The following ADAMTS18 variants were observed in gnomAD, a reference collection of about 807,000 sequenced individuals.
The protein encoded by ADAMTS18 is ADAM metallopeptidase with thrombospondin type 1 motif 18, also known as A disintegrin and metalloproteinase with thrombospondin motifs 18.
A neutral mutation model predicts 165.9 loss-of-function variants in ADAMTS18; 157 were observed. That is an observed-to-expected ratio of 0.95 (90% CI 0.83 to 1.08). ADAMTS18 has a LOEUF of 1.08. Among genes scored for constraint, ADAMTS18 ranks in the 50% least tolerant of loss-of-function variants. The pLI, the probability that ADAMTS18 is intolerant of heterozygous loss-of-function variation, is 0.00. For missense variants in ADAMTS18, 2,040 were observed against 1,534.0 expected, an observed-to-expected ratio of 1.33 and a Z score of -5.51; for synonymous variants, 782 against 578.2, an observed-to-expected ratio of 1.35 and a Z score of -5.06.
At chr16:77,416,147 A>G (rs896429027) in intron 3 of ADAMTS18, among the ~76,000 whole-genome samples, 14 of 152,164 alleles carry the variant, frequency 9.2e-5, no homozygotes, top group African/African-American at 3.4e-4. Context: ...CTGGAATGAC[A>G]GTATTTGCAT....
intron 3 of ADAMTS18, among the ~76,000 whole-genome samples, chr16:77,387,415 G>C (rs545480481): frequency 4.6e-5 from 7 of 152,114 alleles, no homozygotes; most frequent in Non-Finnish European, 1.0e-4. Flanking sequence ...ATATGTCTAG[G>C]CTTCCAGATT....
At chr16:77,359,458 G>C (rs747246515) in intron 7 of ADAMTS18, 35 bp from the exon 8 acceptor site, 10 of 1,559,304 alleles carry the variant, frequency 6.4e-6, no homozygotes, top group Non-Finnish European at 8.8e-6. Context: ...TGAATCCAAA[G>C]GTTGCACACA....
intron 4 of ADAMTS18, among the ~76,000 whole-genome samples, chr16:77,366,360 C>G (rs1190244700): frequency 1.3e-5 from 2 of 152,148 alleles, no homozygotes; most frequent in South Asian, 2.1e-4. Context: ...GAGTTTGAGA[C>G]CAGCCTGGCC....
chr16:77,296,208 G>C (rs964676668), intron 18 of ADAMTS18, among the ~76,000 whole-genome samples: 1 of 152,078 alleles, frequency 6.6e-6, no homozygotes, highest in Non-Finnish European at 1.5e-5. Flanking sequence ...ACATGAAAGA[G>C]ACTCCCTTTA....
intron 9 of ADAMTS18, among the ~76,000 whole-genome samples, chr16:77,355,265 A>G (rs2056612548): frequency 6.7e-6 from 1 of 149,780 alleles, no homozygotes; most frequent in African/African-American, 2.5e-5. Flanking sequence ...TTTAATATGA[A>G]TTAAATAGTA....
intron 16 of ADAMTS18, among the ~76,000 whole-genome samples, chr16:77,301,975 T>C (rs1357237165): frequency 6.6e-6 from 1 of 150,994 alleles, no homozygotes; most frequent in Non-Finnish European, 1.5e-5. Context: ...CTTAGGAGTC[T>C]TTTATTTTGA....
chr16:77,363,960 C>A (rs2144736018), intron 5 of ADAMTS18, 75 bp from the exon 6 acceptor site: 1 of 1,400,548 alleles, frequency 7.1e-7, no homozygotes, highest in Admixed American at 1.7e-5. Flanking sequence ...GACATATTGA[C>A]TGAAGTACGC....
chr16:77,332,798 A>C (rs1190158819), intron 12 of ADAMTS18, among the ~76,000 whole-genome samples: 3 of 152,202 alleles, frequency 2.0e-5, no homozygotes, highest in Non-Finnish European at 4.4e-5. Flanking sequence ...GGCCAATTGC[A>C]ATCCACAGCT....
intron 14 of ADAMTS18, among the ~76,000 whole-genome samples, chr16:77,321,760 G>C (rs1315753088): frequency 6.6e-6 from 1 of 152,186 alleles, no homozygotes; most frequent in Admixed American, 6.5e-5. Context: ...CCTGTGCAAA[G>C]CAGGATATAG....
At chr16:77,420,722 T>C (rs554936601) in intron 3 of ADAMTS18, among the ~76,000 whole-genome samples, 3 of 152,216 alleles carry the variant, frequency 2.0e-5, no homozygotes, top group African/African-American at 7.2e-5. Context: ...AGAGTGAAAG[T>C]ATATTGTGGT....
chr16:77,399,228 A>C (rs1298026615), intron 3 of ADAMTS18, among the ~76,000 whole-genome samples: 1 of 152,132 alleles, frequency 6.6e-6, no homozygotes, highest in African/African-American at 2.4e-5. Flanking sequence ...TTTGGTCTGA[A>C]ACTGTTAACT....
intron 17 of ADAMTS18, among the ~76,000 whole-genome samples, chr16:77,297,774 T>C (rs992111033): frequency 6.6e-6 from 1 of 152,054 alleles, no homozygotes; most frequent in African/African-American, 2.4e-5. Flanking sequence ...AGAAAAACCA[T>C]TCGTGAGTTA....
chr16:77,428,521 A>G (rs1260130474), intron 3 of ADAMTS18, among the ~76,000 whole-genome samples: 1 of 152,168 alleles, frequency 6.6e-6, no homozygotes, highest in Non-Finnish European at 1.5e-5. Flanking sequence ...AAAATAGGCA[A>G]TATCAAGTCT....
chr16:77,421,117 G>A (rs2057596780), intron 3 of ADAMTS18, among the ~76,000 whole-genome samples: 1 of 152,192 alleles, frequency 6.6e-6, no homozygotes, highest in Non-Finnish European at 1.5e-5. Flanking sequence ...CCCTTGACTT[G>A]TAGTGGTAAT....
Position 77,367,183 on chromosome 16 carries a change from T to C in ADAMTS18, c.778+258A>G, listed in dbSNP as rs1567517175. 2.0e-5 allele frequency among the ~76,000 whole-genome samples: 3 copies of C among 152,096 alleles called. 1 individual carries two copies. Among genetic ancestry groups the C allele is most frequent in the African/African-American group, 7.2e-5 (3 of 41,414 alleles). ...GGTACTTTTCTCGGAAGCACAGAAATCAAGACTGGGACCTATGGCATGAAA... is the reference window on the plus strand; with the variant it reads ...GGTACTTTTCTCGGAAGCACAGAAACCAAGACTGGGACCTATGGCATGAAA... On this transcript the variant is annotated intron_variant, in intron 4 of 22. Transcript: ENST00000282849.
At position 77,284,044 on chromosome 16, in the gene ADAMTS18, T is replaced by A; in HGVS notation, c.3578A>T (p.Asn1193Ile). Reference sequence around the variant, plus strand: ...ATGCTGAGGAACTAGGTGACACCAGTTGAAGAAATCTACGCAGGATGGATC... The same window carrying A: ...ATGCTGAGGAACTAGGTGACACCAGATGAAGAAATCTACGCAGGATGGATC... ...REDPSCVDFF[N>I]WCHLVPQHGV... The change falls in exon 23 of 23, where the codon AAC (asparagine) becomes ATC (isoleucine). Residue 1193 changes from asparagine to isoleucine, a missense_variant. Physicochemically the swap from Asn to Ile is moderately radical, Grantham distance 149. Transcript: ENST00000282849. 2 of 1,613,860 alleles carry A rather than the reference T, an allele frequency of 1.2e-6. No individual in the cohort carries two copies. The highest frequency in any genetic ancestry group is 1.7e-6 in the Non-Finnish European group (2 of 1,179,772).
chr16:77,398,720 C>A (rs1026366028), intron 3 of ADAMTS18, among the ~76,000 whole-genome samples: 2 of 152,106 alleles, frequency 1.3e-5, no homozygotes, highest in African/African-American at 4.8e-5. Context: ...TTAGTACACA[C>A]CCCGAAATAT....
At chr16:77,387,992 G>A (rs1567533193) in intron 3 of ADAMTS18, among the ~76,000 whole-genome samples, 1 of 152,128 alleles carries the variant, frequency 6.6e-6, no homozygotes, top group African/African-American at 2.4e-5. Flanking sequence ...TGCTTCCTAG[G>A]ATGGCAGAGC....
At position 77,291,396 on chromosome 16, in the gene ADAMTS18, A is replaced by T. The variant is rs764529831; in HGVS notation, c.3272T>A (p.Phe1091Tyr). The T allele has an allele frequency of 8.7e-6, 14 of 1,614,116 alleles. No individual in the cohort carries two copies. The highest frequency in any genetic ancestry group is 1.2e-5 in the Non-Finnish European group (14 of 1,179,996). Residue 1091 changes from phenylalanine to tyrosine, a missense_variant, in exon 21 of 23, where the codon TTC becomes TAC. Coordinates refer to ENST00000282849, the MANE Select transcript of ADAMTS18 (RefSeq NM_199355.4). ...AATATTACGGCATCTTCGCTCTGGG[A>T]AAGTTATCAGCTTTCCCTGGAAGCC... The part of the protein sequence containing the change: ...EKGFQGKLIT[F>Y]PERRCRNIKK...
Sources: gnomAD v4.1 joint callset for allele counts (sites outside exome capture counted in the v4.1 genomes callset) on GRCh38, gnomAD v4.1.1 for gene constraint, MANE v1.5 for transcripts, NCBI Gene and HGNC (gene_info 2026-07-23, HGNC 2026-07-21) for gene names.